The following ITPR1 variants were observed in gnomAD, a reference collection of about 807,000 sequenced individuals.
ITPR1 encodes inositol 1,4,5-trisphosphate receptor type 1, also known as inositol 1,4,5-trisphosphate-gated calcium channel ITPR1.
ITPR1 carries 96 observed loss-of-function variants against 318.4 expected under a neutral mutation model. The observed-to-expected ratio is 0.30, with a 90% CI of 0.26 to 0.36. The LOEUF is 0.36. ITPR1 is among the 10% of genes least tolerant of loss of function. ITPR1 has a pLI of 1.00. For synonymous variants in ITPR1, 1,312 were observed against 1,289.9 expected (o/e 1.02, Z -0.37); for missense variants, 2,440 against 3,460.2 (o/e 0.71, Z 7.40).
intron 5 of ITPR1, among the ~76,000 whole-genome samples, chr3:4,636,010 G>A (rs952566426): frequency 3.3e-5 from 5 of 151,992 alleles, no homozygotes; most frequent in African/African-American, 7.2e-5. Context: ...AGAGGCATTC[G>A]CCACCATGCC....
At chr3:4,551,711 T>C (rs903323339) in intron 4 of ITPR1, among the ~76,000 whole-genome samples, 3 of 152,246 alleles carry the variant, frequency 2.0e-5, no homozygotes, top group Admixed American at 2.0e-4. Context: ...TAATACTCCA[T>C]GTATATAGTA....
At chr3:4,652,924 G>A (rs776404721) in intron 11 of ITPR1, among the ~76,000 whole-genome samples, 1 of 152,074 alleles carries the variant, frequency 6.6e-6, no homozygotes, top group Non-Finnish European at 1.5e-5. Context: ...GGAGGCAGAG[G>A]TTGCAGTGAC....
At chr3:4,649,951 A>T (rs563113355) in intron 10 of ITPR1, among the ~76,000 whole-genome samples, 1 of 152,224 alleles carries the variant, frequency 6.6e-6, no homozygotes, top group South Asian at 2.1e-4. Flanking sequence ...TAATACTATA[A>T]CCTTATGGGG....
At chr3:4,643,714 G>A (rs575330434) in intron 7 of ITPR1, among the ~76,000 whole-genome samples, 81 of 152,050 alleles carry the variant, frequency 5.3e-4, no homozygotes, top group African/African-American at 1.8e-3. Context: ...ATGTATTTCC[G>A]AATGTTATAG....
At position 4,735,348 on chromosome 3, in the gene ITPR1, C is replaced by T. The variant is rs140165655; in HGVS notation, c.5538C>T (p.Thr1846=). 6.2e-7 allele frequency: 1 copy of T among 1,613,590 alleles called. No homozygotes were observed. Among genetic ancestry groups the T allele is most frequent in the South Asian group, 1.1e-5 (1 of 91,060 alleles). The part of the protein sequence containing the change: ...AIALLEGGNT[T]IQHSFFCRLT... Reference sequence around the variant, plus strand: ...CCCTTCTGGAAGGAGGCAACACCACCATCCAGGTAGGAAGGCAGCTTGGCT... The same window carrying T: ...CCCTTCTGGAAGGAGGCAACACCACTATCCAGGTAGGAAGGCAGCTTGGCT... The change falls in exon 44 of 62, where the codon ACC becomes ACT. Residue 1846 remains threonine, a synonymous_variant. Coordinates refer to ENST00000649015, the MANE Select transcript of ITPR1 (RefSeq NM_001378452.1).
At chr3:4,570,652 T>G (rs1210281231) in intron 4 of ITPR1, among the ~76,000 whole-genome samples, 1 of 152,256 alleles carries the variant, frequency 6.6e-6, no homozygotes, top group Non-Finnish European at 1.5e-5. Context: ...ACAGTAGCTG[T>G]GGATAGATCA....
intron 39 of ITPR1, among the ~76,000 whole-genome samples, chr3:4,716,859 C>A (rs74688238): frequency 6.6e-6 from 1 of 152,278 alleles, no homozygotes; most frequent in East Asian, 1.9e-4. Context: ...ATCCACAGGA[C>A]CAGGCTGGGG....
chr3:4,634,124 G>A (rs2093103359), intron 5 of ITPR1, among the ~76,000 whole-genome samples: 1 of 152,084 alleles, frequency 6.6e-6, no homozygotes, highest in Non-Finnish European at 1.5e-5. Flanking sequence ...ATTAAAAACA[G>A]CCCGCAACCC....
At chr3:4,641,830 C>T (rs1040964628) in intron 6 of ITPR1, among the ~76,000 whole-genome samples, 4 of 152,214 alleles carry the variant, frequency 2.6e-5, no homozygotes, top group Non-Finnish European at 5.9e-5. Context: ...CACAGTTGAC[C>T]TGAGCAACAT....
At chr3:4,521,992 T>A (rs951876621) in intron 4 of ITPR1, among the ~76,000 whole-genome samples, 3 of 151,514 alleles carry the variant, frequency 2.0e-5, no homozygotes, top group African/African-American at 7.3e-5. Context: ...CTTAGTTTAT[T>A]GTAGGAGGTC....
Position 4,671,604 on chromosome 3 carries a change from G to A in ITPR1, c.2204+678G>A, listed in dbSNP as rs1422779459. Reference sequence around the variant, plus strand: ...TCTCACCTCTGCCACCCACCTCCACGGTCCCCAGTGTCTCCTTGGCTCCAG... The same window carrying A: ...TCTCACCTCTGCCACCCACCTCCACAGTCCCCAGTGTCTCCTTGGCTCCAG... On this transcript the variant is annotated intron_variant, in intron 20 of 61. Coordinates refer to ENST00000649015, the MANE Select transcript of ITPR1 (RefSeq NM_001378452.1). 4.6e-5 allele frequency: 7 copies of A among 152,178 alleles called. No individual in the cohort carries two copies. In the East Asian group the frequency reaches 7.7e-4, roughly 17 times the overall value. 9.4% of individuals were successfully genotyped at this position (152,178 alleles called of 1,614,324 possible).
chr3:4,545,074 G>A (rs995219221), intron 4 of ITPR1, among the ~76,000 whole-genome samples: 3 of 152,094 alleles, frequency 2.0e-5, no homozygotes, highest in Non-Finnish European at 4.4e-5. Context: ...GGGATTACAG[G>A]TGTGAGCCAC....
intron 42 of ITPR1, among the ~76,000 whole-genome samples, chr3:4,727,809 C>G (rs2042627814): frequency 6.6e-6 from 1 of 152,224 alleles, no homozygotes; most frequent in Non-Finnish European, 1.5e-5. Context: ...CTCCTGGGCT[C>G]AAGCAATCCT....
At chr3:4,695,476 A>G (rs944841156) in intron 33 of ITPR1, among the ~76,000 whole-genome samples, 1 of 152,204 alleles carries the variant, frequency 6.6e-6, no homozygotes, top group African/African-American at 2.4e-5. Flanking sequence ...GAACGATTAT[A>G]AAGAGAACAG....
chr3:4,670,826 A>T lies in ITPR1; in HGVS notation c.2104A>T (p.Arg702Trp). The change falls in exon 20 of 62, where the codon AGG becomes TGG. Residue 702 changes from arginine (R) to tryptophan (W), a missense_variant. Physicochemically the swap from Arg to Trp is moderately radical, Grantham distance 101. Transcript: ENST00000649015. ...EDEEEVWLFWRDSNKEIRSKS... is the reference protein window; with the variant it reads ...EDEEEVWLFWWDSNKEIRSKS... ...CGAGGAAGAGGTGTGGCTGTTTTGG[A>T]GGGACAGCAACAAAGAGATTCGCAG... 1 of 1,610,456 alleles carries T rather than the reference A, an allele frequency of 6.2e-7. No homozygotes were observed. The highest frequency in any genetic ancestry group is 8.5e-7 in the Non-Finnish European group (1 of 1,178,318).
At chr3:4,715,575 G>A (rs1391593124) in intron 39 of ITPR1, among the ~76,000 whole-genome samples, 4 of 152,176 alleles carry the variant, frequency 2.6e-5, no homozygotes, top group Non-Finnish European at 4.4e-5. Flanking sequence ...TATCATGGCC[G>A]GATATGGTGG....
intron 4 of ITPR1, among the ~76,000 whole-genome samples, chr3:4,536,726 A>G (rs1280584566): frequency 6.6e-6 from 1 of 152,222 alleles, no homozygotes; most frequent in African/African-American, 2.4e-5. Context: ...AAAATGCAGT[A>G]AGAGAGCTTG....
intron 52 of ITPR1, among the ~76,000 whole-genome samples, chr3:4,790,033 T>C (rs4685821): frequency 0.93 from 142,150 of 152,298 alleles, 66,637 homozygotes; most frequent in East Asian, 1. Flanking sequence ...ATTCATTCTC[T>C]ATAAATTGTT....
chr3:4,526,165 T>A lies in ITPR1; in HGVS notation c.163+5071T>A, dbSNP rs76963338. On this transcript the variant is annotated intron_variant, in intron 4 of 61. Transcript: ENST00000649015. Reference sequence around the variant, plus strand: ...GACAGATGTTACCATATCAATAATATCAAAATGTGCAGCTTTTAACTTTGC... The same window carrying A: ...GACAGATGTTACCATATCAATAATAACAAAATGTGCAGCTTTTAACTTTGC... 3.6e-3 allele frequency among the ~76,000 whole-genome samples: 548 copies of A among 152,300 alleles called. 2 individuals are homozygous for A. The highest frequency in any genetic ancestry group is 0.022 in the South Asian group (106 of 4,820).
Sources: gnomAD v4.1 joint callset for allele counts (sites outside exome capture counted in the v4.1 genomes callset) on GRCh38, gnomAD v4.1.1 for gene constraint, MANE v1.5 for transcripts, NCBI Gene and HGNC (gene_info 2026-07-23, HGNC 2026-07-21) for gene names.